The following CNNM3 variants were observed in gnomAD, a reference collection of about 807,000 sequenced individuals.
CNNM3 encodes the protein metal transporter CNNM3.
In CNNM3, 47 loss-of-function variants were observed where a neutral mutation model predicts 57.1. That is an observed-to-expected ratio of 0.82 (90% CI 0.65 to 1.05). CNNM3 has a LOEUF of 1.05. Ranked by LOEUF, CNNM3 falls within the 50% of genes least tolerant of loss-of-function variation. CNNM3 has a pLI of 0.00. For synonymous variants in CNNM3, 507 were observed against 478.2 expected (o/e 1.06, Z -0.79); for missense variants, 957 against 973.7 (o/e 0.98, Z 0.23).
intron 3 of CNNM3, 130 bp downstream of exon 3, chr2:96,827,112 C>CTGTGTTCTGTGTTCTGTGTTCTCT: frequency 1.0e-6 from 1 of 971,770 alleles, no homozygotes; most frequent in South Asian, 1.7e-5. Context: ...CTTCTGTGTT[C>CTGTGTTCTGTGTTCTGTGTTCTCT]TCTGCAGCCC....
intron 7 of CNNM3, among the ~76,000 whole-genome samples, chr2:96,831,125 AG>A (rs1216152465): frequency 6.6e-6 from 1 of 152,226 alleles, no homozygotes; most frequent in Admixed American, 6.5e-5. Context: ...AATAGTTGAT[AG>A]TGGCTTTGTG....
chr2:96,822,364 A>G (rs2079422237), intron 1 of CNNM3, among the ~76,000 whole-genome samples: 1 of 151,982 alleles, frequency 6.6e-6, no homozygotes, highest in Admixed American at 6.6e-5. Context: ...GTTGGAGTGC[A>G]GTGATGTGAT....
At chr2:96,825,294 C>A (rs2079481821) in intron 2 of CNNM3, 93 bp downstream of exon 2, 9 of 1,465,122 alleles carry the variant, frequency 6.1e-6, no homozygotes, top group Non-Finnish European at 6.4e-6. Flanking sequence ...CTCTGTGCTG[C>A]TGGAACCCAG....
At chr2:96,828,738 C>G (rs184150784) in intron 6 of CNNM3, 38 bp downstream of exon 6, 1 of 1,612,122 alleles carries the variant, frequency 6.2e-7, no homozygotes, top group Non-Finnish European at 8.5e-7. Flanking sequence ...TGGCTTTAGC[C>G]GACTTTGTGT....
Position 96,816,287 on chromosome 2 carries a change from G to A in CNNM3, c.10G>A (p.Ala4Thr), listed in dbSNP as rs1004827742. 2 of 1,303,794 alleles carry A rather than the reference G, an allele frequency of 1.5e-6. No individual in the cohort carries two copies. The highest frequency in any genetic ancestry group is 3.0e-4 in the Middle Eastern group (1 of 3,330). 80.8% of individuals were successfully genotyped at this position (1,303,794 alleles called of 1,614,324 possible). Reference protein sequence around the residue: MAAAVAAAGRLGWL... With the variant: MAATVAAAGRLGWL... ...GAGGGGGCAGCAGGCGATGGCGGCG[G>A]CGGTAGCTGCGGCGGGTCGGTTAGG... The change falls in exon 1 of 8, where the codon GCG becomes ACG. Residue 4 changes from alanine (A) to threonine (T), a missense_variant. Physicochemically the swap from Ala to Thr is moderately conservative, Grantham distance 58. Around this residue, in one of 2 missense-constraint regions of CNNM3, gnomAD observed 466 missense variants for 403.1 expected, o/e 1.16. Transcript: ENST00000305510.
At chr2:96,837,035 G>A (rs530740927), downstream of CNNM3, 1 of 152,272 alleles carries the variant, frequency 6.6e-6, no homozygotes, top group African/African-American at 2.4e-5. Context: ...GCATATTTGT[G>A]TGGTCCTGTT....
In CNNM3 at chr2:96,825,171, T is replaced by G; in HGVS notation, c.1339T>G (p.Ser447Ala). Residue 447 changes from serine to alanine, a missense_variant, in exon 2 of 8, where the codon TCC becomes GCC. By Grantham distance (99) the Ser-to-Ala change is moderately conservative (BLOSUM62 1). Transcript: ENST00000305510. ...GGACGTGATCGAGGAGATCATCAGG[T>G]CCGAGATCCTGGACGAGTCTGAAGA... is the stretch of plus-strand genomic sequence containing the variant. The part of the protein sequence containing the change: ...LEDVIEEIIR[S>A]EILDESEDYR... 1 of 1,614,106 alleles carries G rather than the reference T, an allele frequency of 6.2e-7. No homozygotes were observed. Among genetic ancestry groups the G allele is most frequent in the Non-Finnish European group, 8.5e-7 (1 of 1,180,010 alleles).
At position 96,817,427 on chromosome 2, in the gene CNNM3, C is replaced by G. The variant is rs1231220198; in HGVS notation, c.1150C>G (p.Arg384Gly). Residue 384 changes from arginine (R) to glycine (G), a missense_variant, in exon 1 of 8, where the codon CGT (arginine) becomes GGT (glycine). Arg to Gly is a moderately radical substitution (Grantham distance 125). Around this residue, in one of 2 missense-constraint regions of CNNM3, gnomAD observed 491 missense variants for 570.6 expected, o/e 0.86. Transcript: ENST00000305510. ...EDCTPLSTIT[R>G]FYNHPLHFVF... ...CTGCACGCCGCTCAGCACCATCACT[C>G]GTTTCTACAACCATCCGCTCCACTT... is the stretch of plus-strand genomic sequence containing the variant. The G allele has an allele frequency of 1.2e-6, 2 of 1,614,032 alleles. No individual in the cohort carries two copies. Among genetic ancestry groups the G allele is most frequent in the Admixed American group, 1.7e-5 (1 of 60,014 alleles).
intron 7 of CNNM3, 81 bp downstream of exon 7, chr2:96,829,215 G>A (rs1574114206): frequency 2.7e-6 from 4 of 1,477,930 alleles, no homozygotes; most frequent in Admixed American, 2.1e-5. Flanking sequence ...CACTCTCGCC[G>A]CCCCCCCACC....
chr2:96,830,023 G>A (rs2079574538), intron 7 of CNNM3, among the ~76,000 whole-genome samples: 1 of 152,192 alleles, frequency 6.6e-6, no homozygotes, highest in Non-Finnish European at 1.5e-5. Context: ...AAAGGTTGTG[G>A]GATATGGAAC....
Position 96,825,082 on chromosome 2 carries a change from A to G in CNNM3, c.1250A>G (p.Gln417Arg). 2.5e-6 allele frequency: 4 copies of G among 1,613,404 alleles called. No homozygotes were observed. The highest frequency in any genetic ancestry group is 3.4e-6 in the Non-Finnish European group (4 of 1,180,000). The part of the protein sequence containing the change: ...KRGKSHLAIV[Q>R]KVNNEGEGDP... Reference sequence around the variant, plus strand: ...GGGAAGTCCCACCTGGCCATCGTGCAGAAGGTGAACAACGAGGGTGAAGGC... The same window carrying G: ...GGGAAGTCCCACCTGGCCATCGTGCGGAAGGTGAACAACGAGGGTGAAGGC... The change falls in exon 2 of 8, where the codon CAG becomes CGG. Residue 417 changes from glutamine to arginine, a missense_variant. By Grantham distance (43) the Gln-to-Arg change is conservative. This residue lies in a region of CNNM3 where 491 missense variants were observed against 570.6 expected (regional missense o/e 0.86). Coordinates refer to ENST00000305510, the MANE Select transcript of CNNM3 (RefSeq NM_017623.5).
chr2:96,826,883 C>CGGAA lies in CNNM3; in HGVS notation c.1424_1427dup (p.Glu477GlyfsTer10). On this transcript the variant is annotated frameshift_variant, in exon 3 of 8. Transcript: ENST00000305510. LOFTEE classifies it high-confidence loss of function. ...TGCTTCTCTGATGGCCCCTCTGAAG[C>CGGAA]GGAAGGAGGAGTTCTCCTTGTTCAA... is the stretch of plus-strand genomic sequence containing the variant. 6.2e-7 allele frequency: 1 copy of CGGAA among 1,614,164 alleles called. No individual in the cohort carries two copies. The highest frequency in any genetic ancestry group is 8.5e-7 in the Non-Finnish European group (1 of 1,180,010).
At chr2:96,826,717 C>A in intron 2 of CNNM3, 116 bp from the exon 3 acceptor site, 1 of 1,251,278 alleles carries the variant, frequency 8.0e-7, no homozygotes, top group Non-Finnish European at 1.1e-6. Flanking sequence ...TCCGATGCTG[C>A]TCCATCGAGG....
intron 1 of CNNM3, chr2:96,824,619 G>A (rs1441421771): frequency 5.8e-6 from 1 of 171,116 alleles, no homozygotes; most frequent in Non-Finnish European, 1.3e-5. Flanking sequence ...GCCCCACTCA[G>A]CTGCCCCGTG....
Position 96,826,906 on chromosome 2 carries a change from C to A in CNNM3, c.1443C>A (p.Phe481Leu). ...AGCGGAAGGAGGAGTTCTCCTTGTTCAAGGTGTCTGATGATGAATATAAAG... is the reference window on the plus strand; with the variant it reads ...AGCGGAAGGAGGAGTTCTCCTTGTTAAAGGTGTCTGATGATGAATATAAAG... Reference protein sequence around the residue: ...PLKRKEEFSLFKVSDDEYKVT... With the variant: ...PLKRKEEFSLLKVSDDEYKVT... The change falls in exon 3 of 8, where the codon TTC becomes TTA. Residue 481 changes from phenylalanine to leucine, a missense_variant. Physicochemically the swap from Phe to Leu is conservative, Grantham distance 22. This residue lies in a region of CNNM3 where 491 missense variants were observed against 570.6 expected (regional missense o/e 0.86). Coordinates refer to ENST00000305510, the MANE Select transcript of CNNM3 (RefSeq NM_017623.5). 1 of 1,614,212 alleles carries A rather than the reference C, an allele frequency of 6.2e-7. No individual in the cohort carries two copies. The highest frequency in any genetic ancestry group is 8.5e-7 in the Non-Finnish European group (1 of 1,180,038).
At chr2:96,835,611 G>A (rs2079680010), downstream of CNNM3, among the ~76,000 whole-genome samples, 1 of 152,106 alleles carries the variant, frequency 6.6e-6, no homozygotes, top group Non-Finnish European at 1.5e-5. Flanking sequence ...GGGACTACAG[G>A]CGCCCGCCAC....
At position 96,816,659 on chromosome 2, in the gene CNNM3, G is replaced by T; in HGVS notation, c.382G>T (p.Ala128Ser). 9.5e-7 allele frequency: 1 copy of T among 1,054,852 alleles called. No homozygotes were observed. Among genetic ancestry groups the T allele is most frequent in the Non-Finnish European group, 1.1e-6 (1 of 877,048 alleles). 65.3% of individuals were successfully genotyped at this position (1,054,852 alleles called of 1,614,324 possible). ...AVRVEPGGGA[A>S]EEAAPPWALG... ...GCGCGTGGAGCCGGGTGGCGGGGCG[G>T]CTGAGGAGGCGGCGCCGCCCTGGGC... The change falls in exon 1 of 8, where the codon GCT becomes TCT. Residue 128 changes from alanine (A) to serine (S), a missense_variant. Transcript: ENST00000305510.
Position 96,828,165 on chromosome 2 carries a change from G to C in CNNM3, c.1756G>C (p.Gly586Arg). 6.2e-7 allele frequency: 1 copy of C among 1,614,118 alleles called. No homozygotes were observed. Among genetic ancestry groups the C allele is most frequent in the Non-Finnish European group, 8.5e-7 (1 of 1,179,992 alleles). The change falls in exon 5 of 8, where the codon GGA (glycine) becomes CGA (arginine). Residue 586 changes from glycine (G) to arginine (R), a missense_variant. Coordinates refer to ENST00000305510, the MANE Select transcript of CNNM3 (RefSeq NM_017623.5). ...TGAGAATGGGGCCTTCACGTACTATGGAGTGTCGGCCCTAACTGTGCCATC... is the reference window on the plus strand; with the variant it reads ...TGAGAATGGGGCCTTCACGTACTATCGAGTGTCGGCCCTAACTGTGCCATC... The part of the protein sequence containing the change: ...KFENGAFTYY[G>R]VSALTVPSSV...
At chr2:96,819,861 A>G in intron 1 of CNNM3, among the ~76,000 whole-genome samples, 1 of 152,106 alleles carries the variant, frequency 6.6e-6, no homozygotes, top group South Asian at 2.1e-4. Context: ...TCATTTTCCA[A>G]ACCGCCAGTG....
Sources: gnomAD v4.1 joint callset for allele counts (sites outside exome capture counted in the v4.1 genomes callset) on GRCh38, gnomAD v4.1.1 for gene constraint, gnomAD v4.1.1 regional missense constraint, MANE v1.5 for transcripts, NCBI Gene and HGNC (gene_info 2026-07-23, HGNC 2026-07-21) for gene names.